The following UBE2G1 variants were observed in gnomAD, a reference collection of about 807,000 sequenced individuals.
UBE2G1 encodes the protein ubiquitin conjugating enzyme E2 G1, also known as ubiquitin-conjugating enzyme E2 G1.
Under a neutral mutation model 22.7 loss-of-function variants are expected in UBE2G1, and 5 were observed. That is an observed-to-expected ratio of 0.22 (90% CI 0.12 to 0.46). The LOEUF is 0.46. Ranked by LOEUF, UBE2G1 falls within the 20% of genes least tolerant of loss-of-function variation. UBE2G1 has a pLI of 0.99. For synonymous variants in UBE2G1, 74 were observed against 67.5 expected (o/e 1.10, Z -0.47); for missense variants, 88 against 203.9 (o/e 0.43, Z 3.46).
intron 1 of UBE2G1, among the ~76,000 whole-genome samples, chr17:4,315,857 A>C (rs1171785543): frequency 8.1e-6 from 1 of 123,408 alleles, no homozygotes; most frequent in African/African-American, 3.3e-5. Context: ...CCCAGGCTGG[A>C]GTGCAGTGGC....
intron 1 of UBE2G1, among the ~76,000 whole-genome samples, chr17:4,310,112 T>C (rs139644043): frequency 6.6e-6 from 1 of 152,350 alleles, no homozygotes; most frequent in East Asian, 1.9e-4. Context: ...TTAATCCATT[T>C]AAAGTGATAG....
intron 1 of UBE2G1, among the ~76,000 whole-genome samples, chr17:4,307,353 C>T (rs1969259405): frequency 6.6e-6 from 1 of 152,146 alleles, no homozygotes; most frequent in South Asian, 2.1e-4. Flanking sequence ...GGTATCCAGC[C>T]AGGCTCTTGT....
Position 4,307,134 on chromosome 17 carries a change from A to G in UBE2G1, c.47-11T>C. Reference sequence around the variant, plus strand: ...GATTTTTGTTGAGTTCTGTGGAAAAAGAAAAGTTTAATCAATACATTTAAG... The same window carrying G: ...GATTTTTGTTGAGTTCTGTGGAAAAGGAAAAGTTTAATCAATACATTTAAG... On this transcript the variant is annotated splice_polypyrimidine_tract_variant and intron_variant, in intron 1 of 5. Transcript: ENST00000396981. 6.2e-7 allele frequency: 1 copy of G among 1,609,614 alleles called. No individual in the cohort carries two copies. The highest frequency in any genetic ancestry group is 8.5e-7 in the Non-Finnish European group (1 of 1,176,104).
intron 5 of UBE2G1, among the ~76,000 whole-genome samples, chr17:4,278,007 C>A (rs1320285314): frequency 6.6e-6 from 1 of 151,990 alleles, no homozygotes; most frequent in African/African-American, 2.4e-5. Flanking sequence ...TCAAGTGATT[C>A]TCCTGCGTCA....
At chr17:4,295,186 G>C (rs951015000) in intron 3 of UBE2G1, among the ~76,000 whole-genome samples, 6 of 152,202 alleles carry the variant, frequency 3.9e-5, no homozygotes, top group Non-Finnish European at 8.8e-5. Context: ...CGAAAGCCTA[G>C]GAAGAGATAA....
intron 1 of UBE2G1, among the ~76,000 whole-genome samples, chr17:4,362,181 C>A (rs1279036240): frequency 5.3e-5 from 8 of 152,038 alleles, no homozygotes; most frequent in Admixed American, 5.2e-4. Flanking sequence ...GAATTGCCAC[C>A]GCTCAATTTG....
chr17:4,360,683 G>A (rs754537642), intron 1 of UBE2G1, among the ~76,000 whole-genome samples: 2 of 152,038 alleles, frequency 1.3e-5, no homozygotes, highest in South Asian at 2.1e-4. Flanking sequence ...AGGCTGAGGC[G>A]GGCAGATCGC....
At chr17:4,359,794 GT>G (rs1480236633) in intron 1 of UBE2G1, among the ~76,000 whole-genome samples, 1 of 149,720 alleles carries the variant, frequency 6.7e-6, no homozygotes, top group Non-Finnish European at 1.5e-5. Context: ...AGAGGCTGCA[GT>G]GAGCCAAGAT....
At chr17:4,362,190 T>C (rs1969976870) in intron 1 of UBE2G1, among the ~76,000 whole-genome samples, 1 of 152,188 alleles carries the variant, frequency 6.6e-6, no homozygotes, top group Admixed American at 6.6e-5. Context: ...CCGCTCAATT[T>C]GCAAAGGAGT....
At chr17:4,282,225 G>C (rs1421598691) in intron 5 of UBE2G1, among the ~76,000 whole-genome samples, 1 of 152,118 alleles carries the variant, frequency 6.6e-6, no homozygotes, top group Non-Finnish European at 1.5e-5. Flanking sequence ...TGGGATTACA[G>C]GCACACGCCA....
intron 1 of UBE2G1, among the ~76,000 whole-genome samples, chr17:4,321,103 T>C (rs771881060): frequency 2.6e-5 from 4 of 152,096 alleles, no homozygotes; most frequent in Non-Finnish European, 5.9e-5. Context: ...TGAGCTATGA[T>C]CGCACCATGG....
At chr17:4,315,695 G>A (rs1418498886) in intron 1 of UBE2G1, among the ~76,000 whole-genome samples, 3 of 149,942 alleles carry the variant, frequency 2.0e-5, no homozygotes, top group East Asian at 4.0e-4. Context: ...AGCCGAGATC[G>A]CGCCACTGCA....
intron 3 of UBE2G1, among the ~76,000 whole-genome samples, chr17:4,294,596 T>C (rs1276632545): frequency 2.0e-5 from 3 of 152,178 alleles, no homozygotes; most frequent in Non-Finnish European, 4.4e-5. Context: ...CTTACATGTA[T>C]GTTTTCATCT....
intron 3 of UBE2G1, among the ~76,000 whole-genome samples, 186 bp downstream of exon 3, chr17:4,296,531 G>C (rs1048885096): frequency 1.3e-5 from 2 of 152,166 alleles, no homozygotes; most frequent in African/African-American, 4.8e-5. Context: ...TGGGATTACA[G>C]GTGTGAGCCA....
chr17:4,304,232 C>T (rs1969222949), intron 2 of UBE2G1, among the ~76,000 whole-genome samples: 1 of 152,124 alleles, frequency 6.6e-6, no homozygotes, highest in African/African-American at 2.4e-5. Context: ...CGTCTGAGCT[C>T]AAGCGATCCA....
At chr17:4,345,879 TCTTA>T (rs1969763927) in intron 1 of UBE2G1, 1 of 152,192 alleles carries the variant, frequency 6.6e-6, no homozygotes, top group African/African-American at 2.4e-5. Flanking sequence ...GAAGAACAAC[TCTTA>T]TTTAAGAAAA....
chr17:4,365,417 C>A (rs1242967355), intron 1 of UBE2G1, among the ~76,000 whole-genome samples: 1 of 152,246 alleles, frequency 6.6e-6, no homozygotes, highest in African/African-American at 2.4e-5. Context: ...AACCTGGAAG[C>A]CGCAAACGGC....
intron 1 of UBE2G1, among the ~76,000 whole-genome samples, chr17:4,313,684 G>C (rs1969336498): frequency 6.6e-6 from 1 of 152,136 alleles, no homozygotes; most frequent in South Asian, 2.1e-4. Flanking sequence ...TCTGGGAAGA[G>C]GCATGGAACG....
intron 5 of UBE2G1, among the ~76,000 whole-genome samples, chr17:4,279,670 G>A (rs1275074118): frequency 6.6e-6 from 1 of 151,882 alleles, no homozygotes; most frequent in African/African-American, 2.4e-5. Context: ...AGCACTCTGG[G>A]ACGCTGAGGC....
Sources: gnomAD v4.1 joint callset for allele counts (sites outside exome capture counted in the v4.1 genomes callset) on GRCh38, gnomAD v4.1.1 for gene constraint, MANE v1.5 for transcripts, NCBI Gene and HGNC (gene_info 2026-07-23, HGNC 2026-07-21) for gene names.